The following C2CD3 variants were observed in gnomAD, a reference collection of about 807,000 sequenced individuals.
C2CD3 encodes the protein C2 domain containing 3 centriole elongation regulator.
A neutral mutation model predicts 234.0 loss-of-function variants in C2CD3; 148 were observed. The observed-to-expected ratio is 0.63, with a 90% CI of 0.55 to 0.72. The LOEUF (loss-of-function observed/expected upper bound fraction) is 0.72. Among genes scored for constraint, C2CD3 ranks in the 30% least tolerant of loss-of-function variants. C2CD3 has a pLI of 0.00. For synonymous variants in C2CD3, 1,000 were observed against 1,035.4 expected, an observed-to-expected ratio of 0.97 and a Z score of 0.66; for missense variants, 2,577 against 2,811.5, an observed-to-expected ratio of 0.92 and a Z score of 1.89.
In C2CD3 at chr11:74,133,530, C is replaced by G. The variant is rs759547604; in HGVS notation, c.983G>C (p.Arg328Pro). The change falls in exon 6 of 33, where the codon CGT (arginine) becomes CCT (proline). Residue 328 changes from arginine (R) to proline (P), a missense_variant. Physicochemically the swap from Arg to Pro is moderately radical, Grantham distance 103 (BLOSUM62 -2). Coordinates refer to ENST00000334126, the MANE Select transcript of C2CD3 (RefSeq NM_001286577.2). ...SALLEQGNKL[R>P]NAMVISAMKS... ...CATTGCAGAAATCACCATGGCATTA[C>G]GCAGTTTATTGCCTTGTTCTAACAG... 1 of 1,613,976 alleles carries G rather than the reference C, an allele frequency of 6.2e-7. No individual in the cohort carries two copies. Among genetic ancestry groups the G allele is most frequent in the South Asian group, 1.1e-5 (1 of 91,078 alleles).
At chr11:74,105,271 G>T (rs1284331515) in intron 13 of C2CD3, among the ~76,000 whole-genome samples, 2 of 151,840 alleles carry the variant, frequency 1.3e-5, no homozygotes, top group South Asian at 2.1e-4. Context: ...TGGCTGTGAT[G>T]ATTTTTTTTT....
At chr11:74,038,053 T>C (rs1952827610) in intron 29 of C2CD3, among the ~76,000 whole-genome samples, 1 of 152,220 alleles carries the variant, frequency 6.6e-6, no homozygotes, top group African/African-American at 2.4e-5. Context: ...CACTGTCCTT[T>C]GCTACCTCAT....
chr11:74,101,156 G>A (rs1269000583), intron 14 of C2CD3, among the ~76,000 whole-genome samples: 5 of 152,222 alleles, frequency 3.3e-5, no homozygotes, highest in Non-Finnish European at 2.9e-5. Flanking sequence ...TGCCCAACAG[G>A]TGTCACAGTA....
intron 14 of C2CD3, among the ~76,000 whole-genome samples, chr11:74,101,032 G>A (rs1420388296): frequency 6.6e-6 from 1 of 152,156 alleles, no homozygotes; most frequent in Admixed American, 6.5e-5. Context: ...CTGAAAGAAA[G>A]ATGTTTTTGA....
chr11:74,169,919 C>T (rs760209353), intron 1 of C2CD3, among the ~76,000 whole-genome samples: 20 of 152,204 alleles, frequency 1.3e-4, no homozygotes, highest in Admixed American at 7.2e-4. Context: ...CCCAATACTT[C>T]TTTTCTCGCT....
chr11:74,161,947 C>G (rs1349158919), intron 2 of C2CD3, among the ~76,000 whole-genome samples: 10 of 151,622 alleles, frequency 6.6e-5, no homozygotes, highest in Non-Finnish European at 1.3e-4. Flanking sequence ...TCACAAGTAG[C>G]TGAGACTAGA....
chr11:74,159,217 A>G (rs117576232), intron 3 of C2CD3, among the ~76,000 whole-genome samples: 1,689 of 152,342 alleles, frequency 0.011, 17 homozygotes, highest in Non-Finnish European at 0.016. Context: ...TGTATGATAC[A>G]TAATACTTGA....
chr11:74,084,762 T>C (rs533227140), intron 22 of C2CD3, 119 bp downstream of exon 22: 2 of 621,956 alleles, frequency 3.2e-6, no homozygotes, highest in African/African-American at 1.8e-5. Context: ...TTCAGAAGCA[T>C]GTGTTAAGGG....
chr11:74,149,760 T>G (rs1039477234), intron 3 of C2CD3, among the ~76,000 whole-genome samples: 2 of 152,194 alleles, frequency 1.3e-5, no homozygotes, highest in African/African-American at 4.8e-5. Flanking sequence ...CCACCTTGTC[T>G]TCTTTTTAAG....
chr11:74,015,634 T>C (rs2135397187), intron 32 of C2CD3, among the ~76,000 whole-genome samples: 1 of 152,296 alleles, frequency 6.6e-6, no homozygotes, highest in South Asian at 2.1e-4. Flanking sequence ...TAGAGCATAG[T>C]ATTCTATCTC....
intron 10 of C2CD3, among the ~76,000 whole-genome samples, chr11:74,114,153 C>T (rs1319333989): frequency 6.6e-6 from 1 of 152,192 alleles, no homozygotes; most frequent in African/African-American, 2.4e-5. Flanking sequence ...ATGTTTCTCT[C>T]TCCTGCTAAC....
At chr11:74,128,277 T>C (rs1466250763) in intron 7 of C2CD3, among the ~76,000 whole-genome samples, 2 of 152,234 alleles carry the variant, frequency 1.3e-5, no homozygotes, top group Admixed American at 6.5e-5. Flanking sequence ...ATTTATATGT[T>C]CTATATATAA....
intron 9 of C2CD3, among the ~76,000 whole-genome samples, chr11:74,116,876 A>G (rs143548577): frequency 0.021 from 2,723 of 132,146 alleles, 88 homozygotes; most frequent in African/African-American, 0.061. Context: ...GTGTATATGT[A>G]TATATACACA....
intron 1 of C2CD3, 97 bp from the exon 2 acceptor site, chr11:74,168,710 C>T: frequency 8.7e-7 from 1 of 1,149,598 alleles, no homozygotes; most frequent in Admixed American, 2.2e-5. Context: ...ACACTTTAGT[C>T]TTAAGTTCAG....
chr11:74,046,384 C>G (rs1433395966), intron 28 of C2CD3, among the ~76,000 whole-genome samples: 1 of 152,194 alleles, frequency 6.6e-6, no homozygotes, highest in Admixed American at 6.5e-5. Flanking sequence ...CACTCTGTCA[C>G]TCAGGCTGAA....
chr11:74,096,212 G>C (rs915078811), intron 16 of C2CD3, among the ~76,000 whole-genome samples: 17 of 152,178 alleles, frequency 1.1e-4, no homozygotes, highest in African/African-American at 4.1e-4. Context: ...TGACTCCAGA[G>C]TCAGTGTTCT....
rs1262864196 is a variant in C2CD3 at position 74,093,886 on chromosome 11, G to A, written c.3274C>T (p.Leu1092Phe). The change falls in exon 18 of 33, where the codon CTC becomes TTC. Residue 1092 changes from leucine (L) to phenylalanine (F), a missense_variant. Physicochemically the swap from Leu to Phe is conservative, Grantham distance 22. Coordinates refer to ENST00000334126, the MANE Select transcript of C2CD3 (RefSeq NM_001286577.2). ...TGTGCAGAGAAAGCACTTAGTAGGA[G>A]CCTTTGCACTGGAACCTCAGCTGGC... ...LLPAEVPVQR[L>F]LLSAFSAQGL... The A allele has an allele frequency of 1.2e-6, 2 of 1,614,096 alleles. No homozygotes were observed. Among genetic ancestry groups the A allele is most frequent in the African/African-American group, 2.7e-5 (2 of 75,052 alleles).
rs184357167 is a variant in C2CD3, at chr11:74,168,841, T to C, written c.56-228A>G. On this transcript the variant is annotated intron_variant, in intron 1 of 32. Transcript: ENST00000334126. ...TCATGTAAGCCACTCTGATAACTAA[T>C]TAGTATTTAAGGTTTGATTTGATTT... Among the ~76,000 whole-genome samples, 14 of 152,332 alleles carry C rather than the reference T, an allele frequency of 9.2e-5. No individual in the cohort carries two copies. The East Asian group carries it at 2.3e-3, about 25-fold the overall frequency.
chr11:74,151,462 G>T (rs1855653845), intron 3 of C2CD3, among the ~76,000 whole-genome samples: 1 of 152,030 alleles, frequency 6.6e-6, no homozygotes, highest in African/African-American at 2.4e-5. Flanking sequence ...TAGTAGCTGG[G>T]ATTACAGGCA....
Sources: gnomAD v4.1 joint callset for allele counts (sites outside exome capture counted in the v4.1 genomes callset) on GRCh38, gnomAD v4.1.1 for gene constraint, MANE v1.5 for transcripts, NCBI Gene and HGNC (gene_info 2026-07-23, HGNC 2026-07-21) for gene names.